Variants in UNC5B observed in about 807,000 individuals in gnomAD.
UNC5B encodes netrin receptor UNC5B.
Under a neutral mutation model 103.7 loss-of-function variants are expected in UNC5B, and 56 were observed. That is an observed-to-expected ratio of 0.54 (90% confidence interval 0.44 to 0.67). The LOEUF is 0.67. Among genes scored for constraint, UNC5B ranks in the 30% least tolerant of loss-of-function variants. The probability of loss-of-function intolerance (pLI) is 0.00; values close to 1 mark genes in which losing one functional copy is unlikely to be tolerated. For missense variants in UNC5B, 1,194 were observed against 1,284.5 expected (o/e 0.93, Z 1.08); for synonymous variants, 577 against 542.0 (o/e 1.06, Z -0.90).
intron 1 of UNC5B, among the ~76,000 whole-genome samples, chr10:71,227,916 A>G (rs1013691347): frequency 1.3e-5 from 2 of 152,182 alleles, no homozygotes; most frequent in Non-Finnish European, 2.9e-5. Context: ...AGCATTAGAA[A>G]GGGGTAAAGA....
intron 1 of UNC5B, among the ~76,000 whole-genome samples, chr10:71,246,943 C>A (rs1042411546): frequency 6.6e-6 from 1 of 152,134 alleles, no homozygotes; most frequent in Non-Finnish European, 1.5e-5. Flanking sequence ...ACTCCCTTGC[C>A]CACTCCCTGT....
intron 1 of UNC5B, among the ~76,000 whole-genome samples, chr10:71,222,182 C>T (rs550026912): frequency 6.6e-6 from 1 of 152,162 alleles, no homozygotes; most frequent in African/African-American, 2.4e-5. Context: ...GAGAGTGTGG[C>T]CCTGGTAGGG....
intron 8 of UNC5B, among the ~76,000 whole-genome samples, chr10:71,290,481 CAG>C (rs373417512): frequency 9.0e-4 from 137 of 152,300 alleles, no homozygotes; most frequent in African/African-American, 3.2e-3. Context: ...ACAAAGATAA[CAG>C]AGCCAGAAGA....
rs145550621 is a variant in UNC5B at position 71,299,407 on chromosome 10, C to A, written c.*130C>A. ...ACAGCCAGAGTTGCCTCTCCTCCTC[C>A]TCTTCCCCAACCCCCAGACCATGAC... On this transcript the variant is annotated 3_prime_UTR_variant, in exon 17 of 17. Coordinates refer to ENST00000335350, the MANE Select transcript of UNC5B (RefSeq NM_170744.5). 9.0e-5 allele frequency: 103 copies of A among 1,142,282 alleles called. 1 individual carries two copies. The African/African-American group carries it at 1.4e-3, about 15-fold the overall frequency. The allele number at this position is 1,142,282 out of a possible 1,614,324, so 70.8% of individuals were successfully genotyped here. A position where few individuals can be genotyped will look rare whatever the true frequency, so the allele number is the denominator to read the frequency against.
intron 1 of UNC5B, among the ~76,000 whole-genome samples, chr10:71,230,123 TAAGAA>T (rs1321834599): frequency 1.3e-5 from 2 of 152,096 alleles, no homozygotes; most frequent in Non-Finnish European, 2.9e-5. Flanking sequence ...TGAGAAAGAT[TAAGAA>T]AAGAAGCATT....
chr10:71,293,260 C>G (rs1289606967), intron 11 of UNC5B, 145 bp from the exon 12 acceptor site: 1 of 896,850 alleles, frequency 1.1e-6, no homozygotes, highest in African/African-American at 1.7e-5. Flanking sequence ...TCCTTTGCCC[C>G]CATGACCTCT....
At chr10:71,216,159 G>T (rs564265770) in intron 1 of UNC5B, among the ~76,000 whole-genome samples, 2 of 152,148 alleles carry the variant, frequency 1.3e-5, no homozygotes, top group Non-Finnish European at 2.9e-5. Context: ...CACCGGTAGC[G>T]CCAGGACTTG....
chr10:71,238,452 G>A lies in UNC5B; in HGVS notation c.79+25388G>A, dbSNP rs115425986. Among the ~76,000 whole-genome samples the A allele has an allele frequency of 2.0e-3, 299 of 152,190 alleles. 1 individual carries two copies. Among genetic ancestry groups the A allele is most frequent in the African/African-American group, 6.7e-3 (277 of 41,524 alleles). On this transcript the variant is annotated intron_variant, in intron 1 of 16. Coordinates refer to ENST00000335350, the MANE Select transcript of UNC5B (RefSeq NM_170744.5). ...TGATTAGCGATAGGCCCTGCTGGAC[G>A]TCTGAGGCCTCGACTCCATGCTTAC...
At chr10:71,240,385 G>C (rs559091527) in intron 1 of UNC5B, among the ~76,000 whole-genome samples, 199 of 152,376 alleles carry the variant, frequency 1.3e-3, no homozygotes, top group Admixed American at 2.9e-3. Flanking sequence ...CTCCCAGTAG[G>C]GGGGACCCCA....
chr10:71,240,502 G>A (rs1212386420), intron 1 of UNC5B, among the ~76,000 whole-genome samples: 1 of 152,248 alleles, frequency 6.6e-6, no homozygotes, highest in African/African-American at 2.4e-5. Context: ...CCAGCAGGGT[G>A]GACACGGGTG....
chr10:71,293,859 GC>G lies in UNC5B; in HGVS notation c.2106del (p.Ala703ProfsTer20). 1.2e-6 allele frequency: 2 copies of G among 1,608,922 alleles called. No individual in the cohort carries two copies. On this transcript the variant is annotated frameshift_variant, in exon 13 of 17. Transcript: ENST00000335350. LOFTEE classifies it high-confidence loss of function. The part of the protein sequence containing the change: ...AVKRLQLAVF[A>X]PALCTSLEYS... ...CAAGCGGCTCCAGCTGGCCGTCTTC[GC>G]CCCCGCCCTCTGCACCTCCCTGGAG...
rs368492948 is a variant in UNC5B, at chr10:71,281,133, C to T, written c.304+1088C>T. Among the ~76,000 whole-genome samples, 33 of 152,154 alleles carry T rather than the reference C, an allele frequency of 2.2e-4. No homozygotes were observed. In the South Asian group the frequency reaches 6.6e-3, roughly 31 times the overall value. On this transcript the variant is annotated intron_variant, in intron 2 of 16. Coordinates refer to ENST00000335350, the MANE Select transcript of UNC5B (RefSeq NM_170744.5). The stretch of plus-strand genomic sequence containing the variant: ...TCCTTCTTTCCCCCTTCTTTAGTTT[C>T]TGTTTTGTCATGTAAAGCTCACAGA...
In UNC5B at chr10:71,248,121, C is replaced by T. The variant is rs60859155; in HGVS notation, c.80-31700C>T. On this transcript the variant is annotated intron_variant, in intron 1 of 16. Coordinates refer to ENST00000335350, the MANE Select transcript of UNC5B (RefSeq NM_170744.5). ...ATCTCAGGGAAGGAGATACTGGTTT[C>T]ACCCTGGGAACCATCCAAGCACCCA... Among the ~76,000 whole-genome samples, 566 of 152,262 alleles carry T rather than the reference C, an allele frequency of 3.7e-3. 6 individuals carry two copies. Among genetic ancestry groups the T allele is most frequent in the African/African-American group, 0.013 (540 of 41,554 alleles).
intron 1 of UNC5B, among the ~76,000 whole-genome samples, chr10:71,255,663 A>G (rs1202391451): frequency 1.3e-5 from 2 of 152,216 alleles, no homozygotes; most frequent in Non-Finnish European, 2.9e-5. Flanking sequence ...TGCTCTTTTA[A>G]TATCACCCCT....
At position 71,295,913 on chromosome 10, in the gene UNC5B, G is replaced by A. The variant is rs1224854061; in HGVS notation, c.2278G>A (p.Asp760Asn). 1.2e-6 allele frequency: 2 copies of A among 1,613,176 alleles called. No individual in the cohort carries two copies. The highest frequency in any genetic ancestry group is 1.7e-6 in the Non-Finnish European group (2 of 1,180,022). ...SYHNLRLSLHDLPHAHWRSKL... is the reference protein window; with the variant it reads ...SYHNLRLSLHNLPHAHWRSKL... ...CCACAACCTGCGCCTCTCCCTCCAT[G>A]ACCTCCCCCATGCCCATTGGAGGAG... is the stretch of plus-strand genomic sequence containing the variant. The change falls in exon 14 of 17, where the codon GAC becomes AAC. Residue 760 changes from aspartate (D) to asparagine (N), a missense_variant. Transcript: ENST00000335350.
At chr10:71,293,350 C>G (rs1023234871) in intron 11 of UNC5B, 55 bp from the exon 12 acceptor site, 56 of 1,554,984 alleles carry the variant, frequency 3.6e-5, no homozygotes, top group Admixed American at 5.5e-5. Context: ...CAGCAGGAGC[C>G]TGCACCTTTG....
At chr10:71,276,261 A>G (rs377614700) in intron 1 of UNC5B, among the ~76,000 whole-genome samples, 1 of 152,102 alleles carries the variant, frequency 6.6e-6, no homozygotes, top group African/African-American at 2.4e-5. Flanking sequence ...TTGAGTTCAT[A>G]TGAACCACTC....
At chr10:71,249,771 G>C (rs758549757) in intron 1 of UNC5B, among the ~76,000 whole-genome samples, 1 of 152,188 alleles carries the variant, frequency 6.6e-6, no homozygotes, top group Non-Finnish European at 1.5e-5. Context: ...AAAAACCAAG[G>C]CTGCAGGAGG....
At chr10:71,283,295 G>C (rs1844978371) in intron 2 of UNC5B, among the ~76,000 whole-genome samples, 2 of 152,232 alleles carry the variant, frequency 1.3e-5, no homozygotes, top group South Asian at 4.1e-4. Flanking sequence ...AGATCCAGAT[G>C]ACCTGCCAGA....
Sources: allele counts gnomAD v4.1 joint callset (sites outside exome capture counted in the v4.1 genomes callset), GRCh38; gene constraint gnomAD v4.1.1; transcripts MANE v1.5; gene names NCBI Gene and HGNC (gene_info 2026-07-23, HGNC 2026-07-21).